KLHL18: variants seen among roughly 807,000 people sequenced by gnomAD.
KLHL18 encodes kelch like family member 18.
KLHL18 carries 38 observed loss-of-function variants against 58.5 expected under a neutral mutation model. That is an observed-to-expected ratio of 0.65 (90% confidence interval 0.50 to 0.85). KLHL18 has a LOEUF of 0.85. Among genes scored for constraint, KLHL18 ranks in the 40% least tolerant of loss-of-function variants. The pLI, the probability that KLHL18 is intolerant of heterozygous loss-of-function variation, is 0.00. For synonymous variants in KLHL18, 303 were observed against 301.9 expected (o/e 1.00, Z -0.04); for missense variants, 624 against 778.4 (o/e 0.80, Z 2.36).
intron 3 of KLHL18, among the ~76,000 whole-genome samples, chr3:47,325,967 A>G (rs1479682757): frequency 6.6e-6 from 1 of 151,404 alleles, no homozygotes; most frequent in Non-Finnish European, 1.5e-5. Context: ...TTTATTTTTG[A>G]GACAGAGTCT....
intron 1 of KLHL18, among the ~76,000 whole-genome samples, chr3:47,315,103 A>G (rs895493236): frequency 1.3e-4 from 20 of 152,204 alleles, no homozygotes; most frequent in African/African-American, 4.8e-4. Context: ...GAGGGGAAAG[A>G]CATATCAGCA....
intron 1 of KLHL18, among the ~76,000 whole-genome samples, chr3:47,299,617 A>G (rs957767650): frequency 2.0e-5 from 3 of 152,054 alleles, no homozygotes; most frequent in African/African-American, 7.2e-5. Flanking sequence ...GCTTGAGCCC[A>G]GGAGTTTGAG....
intron 2 of KLHL18, among the ~76,000 whole-genome samples, chr3:47,322,049 G>GA (rs1279958054): frequency 2.0e-5 from 3 of 152,080 alleles, no homozygotes; most frequent in Non-Finnish European, 2.9e-5. Context: ...ATTGAAAGCA[G>GA]AAAAAATGTC....
intron 1 of KLHL18, among the ~76,000 whole-genome samples, chr3:47,298,804 C>T (rs531937774): frequency 5.9e-5 from 9 of 152,258 alleles, no homozygotes; most frequent in East Asian, 5.8e-4. Flanking sequence ...TCGTAGAGTT[C>T]GTGACCTTTT....
intron 5 of KLHL18, 74 bp downstream of exon 5, chr3:47,333,391 G>A (rs1452179733): frequency 3.5e-6 from 5 of 1,420,598 alleles, no homozygotes; most frequent in African/African-American, 2.8e-5. Context: ...ACCTGTTCCA[G>A]TTCTGGAAAG....
chr3:47,290,721 C>G (rs1213371899), intron 1 of KLHL18, among the ~76,000 whole-genome samples: 1 of 152,192 alleles, frequency 6.6e-6, no homozygotes, highest in African/African-American at 2.4e-5. Context: ...TTCCACCTCC[C>G]CAAGTGCTGG....
At position 47,344,785 on chromosome 3, in the gene KLHL18, G is replaced by GGAT. The variant is rs1175481734; in HGVS notation, c.*845_*847dup. On this transcript the variant is annotated 3_prime_UTR_variant, in exon 10 of 10. Coordinates refer to ENST00000232766, the MANE Select transcript of KLHL18 (RefSeq NM_025010.5). ...GAAGGGCGGTATCCACCCCACATTC[G>GGAT]GATCCCAGGGTCCTGAGGCCTCGCA... 4 of 152,606 alleles carry GGAT rather than the reference G, an allele frequency of 2.6e-5. No homozygotes were observed. The highest frequency in any genetic ancestry group is 9.7e-5 in the African/African-American group (4 of 41,428). 9.5% of individuals were successfully genotyped at this position (152,606 alleles called of 1,614,324 possible). A position where few individuals can be genotyped will look rare whatever the true frequency, so the allele number is the denominator to read the frequency against.
At chr3:47,302,505 C>T (rs1004446356) in intron 1 of KLHL18, among the ~76,000 whole-genome samples, 1 of 152,074 alleles carries the variant, frequency 6.6e-6, no homozygotes, top group African/African-American at 2.4e-5. Context: ...CAAAAAGAAA[C>T]ATAAGGAAGA....
Position 47,340,680 on chromosome 3 carries a change from A to T in KLHL18, c.1226+4A>T. On this transcript the variant is annotated splice_donor_region_variant and intron_variant, in intron 8 of 9. Transcript: ENST00000232766. ...CCTACTCACCTGAGACGGACAAGTA[A>T]GGACTCCAGCTCCCTTGGGGCAACT... 1 of 1,614,016 alleles carries T rather than the reference A, an allele frequency of 6.2e-7. No individual in the cohort carries two copies. Among genetic ancestry groups the T allele is most frequent in the East Asian group, 2.2e-5 (1 of 44,868 alleles).
chr3:47,328,714 C>T (rs1056592477), intron 3 of KLHL18, among the ~76,000 whole-genome samples: 14 of 152,162 alleles, frequency 9.2e-5, no homozygotes, highest in East Asian at 1.9e-4. Flanking sequence ...TCTGTGAGTG[C>T]GTTACTACTT....
rs1189521716 is a variant in KLHL18, at chr3:47,344,632, CAAAG to C, written c.*695_*698del. 1.3e-5 allele frequency: 2 copies of C among 152,466 alleles called. No homozygotes were observed. Among genetic ancestry groups the C allele is most frequent in the African/African-American group, 2.4e-5 (1 of 41,376 alleles). 9.4% of individuals were successfully genotyped at this position (152,466 alleles called of 1,614,324 possible). A position where few individuals can be genotyped will look rare whatever the true frequency, so the allele number is the denominator to read the frequency against. Reference sequence around the variant, plus strand: ...TGAAAGAAACTGAAGGAAATTTAAACAAAGAAACACTTGAAAGAAACTGGAAAGA... The same window carrying C: ...TGAAAGAAACTGAAGGAAATTTAAACAAACACTTGAAAGAAACTGGAAAGA... On this transcript the variant is annotated 3_prime_UTR_variant, in exon 10 of 10. Coordinates refer to ENST00000232766, the MANE Select transcript of KLHL18 (RefSeq NM_025010.5).
chr3:47,333,467 G>A (rs1240702599), intron 5 of KLHL18, 150 bp downstream of exon 5: 3 of 751,376 alleles, frequency 4.0e-6, no homozygotes, highest in Non-Finnish European at 4.1e-6. Flanking sequence ...TCTAGAAGCT[G>A]GAACAGGAAG....
intron 1 of KLHL18, among the ~76,000 whole-genome samples, chr3:47,316,548 C>CGTATATATGTAT: frequency 2.7e-4 from 2 of 7,316 alleles, no homozygotes; most frequent in Non-Finnish European, 4.8e-4. Flanking sequence ...TACATATATA[C>CGTATATATGTAT]ATATATACAT....
intron 6 of KLHL18, among the ~76,000 whole-genome samples, 191 bp downstream of exon 6, chr3:47,335,010 C>T (rs751184935): frequency 1.3e-5 from 2 of 152,186 alleles, no homozygotes; most frequent in Non-Finnish European, 2.9e-5. Context: ...AATATCAGTG[C>T]TAAAGAGACC....
intron 1 of KLHL18, among the ~76,000 whole-genome samples, chr3:47,316,681 ATG>A (rs369868820): frequency 0.034 from 98 of 2,848 alleles, 1 homozygote; most frequent in East Asian, 0.27. Flanking sequence ...ATATATGTAT[ATG>A]TGTGTGTATA....
At chr3:47,325,651 C>T (rs1703699992) in intron 3 of KLHL18, among the ~76,000 whole-genome samples, 1 of 152,218 alleles carries the variant, frequency 6.6e-6, no homozygotes, top group Non-Finnish European at 1.5e-5. Context: ...ATTACATCTT[C>T]AGCCCGCTGC....
chr3:47,327,257 A>G (rs537962091), intron 3 of KLHL18, among the ~76,000 whole-genome samples: 108 of 152,320 alleles, frequency 7.1e-4, no homozygotes, highest in Admixed American at 1.2e-3. Flanking sequence ...CAAAAGGGAA[A>G]AAAAAAGGTG....
At chr3:47,295,348 T>G (rs1702873909) in intron 1 of KLHL18, among the ~76,000 whole-genome samples, 1 of 152,190 alleles carries the variant, frequency 6.6e-6, no homozygotes, top group Non-Finnish European at 1.5e-5. Context: ...TCTGCTATTC[T>G]ACCCTGCTTT....
intron 2 of KLHL18, 69 bp downstream of exon 2, chr3:47,319,852 G>A (rs1178922248): frequency 6.5e-6 from 10 of 1,536,892 alleles, no homozygotes; most frequent in African/African-American, 2.7e-5. Flanking sequence ...GCACGGTTCC[G>A]TTGAGGACCT....
Sources: gnomAD v4.1 joint callset for allele counts (sites outside exome capture counted in the v4.1 genomes callset) on GRCh38, gnomAD v4.1.1 for gene constraint, MANE v1.5 for transcripts, NCBI Gene and HGNC (gene_info 2026-07-23, HGNC 2026-07-21) for gene names.